SMAD2: variants seen among roughly 807,000 people sequenced by gnomAD.
The protein encoded by SMAD2 is MAD homolog 2.
A neutral mutation model predicts 64.4 loss-of-function variants in SMAD2; 8 were observed. The ratio of observed to expected loss-of-function variants is 0.12; its 90% confidence interval spans 0.07 to 0.22. The LOEUF (loss-of-function observed/expected upper bound fraction) is 0.22, where lower values mean the gene tolerates loss of function less well. SMAD2 is among the 10% of genes least tolerant of loss of function. The pLI is 1.00. For missense variants in SMAD2, 289 were observed against 561.2 expected (o/e 0.51, Z 4.90); for synonymous variants, 203 against 195.8 (o/e 1.04, Z -0.31).
In SMAD2 at chr18:47,812,798, C is replaced by A. The variant is rs1486340186; in HGVS notation, c.*29029G>T. On this transcript the variant is annotated 3_prime_UTR_variant, in exon 11 of 11. Transcript: ENST00000262160. ...CATGAGTGTCCATGTCACTGTCTCC[C>A]CAGGACCCCCACAGGAGCCTTGCAC... 6.6e-6 allele frequency: 1 copy of A among 152,176 alleles called. No individual in the cohort carries two copies. The highest frequency in any genetic ancestry group is 2.4e-5 in the African/African-American group (1 of 41,428). 9.4% of individuals were successfully genotyped at this position (152,176 alleles called of 1,614,324 possible).
intron 9 of SMAD2, 23 bp downstream of exon 9, chr18:47,845,640 T>A (rs2144289731): frequency 6.2e-7 from 1 of 1,613,202 alleles, no homozygotes; most frequent in Non-Finnish European, 8.5e-7. Context: ...ATGATAGGTT[T>A]ATGTACATTA....
chr18:47,823,266 T>G lies in SMAD2; in HGVS notation c.*18561A>C, dbSNP rs1044504113. On this transcript the variant is annotated 3_prime_UTR_variant, in exon 11 of 11. Coordinates refer to ENST00000262160, the MANE Select transcript of SMAD2 (RefSeq NM_005901.6). The stretch of plus-strand genomic sequence containing the variant: ...TCTTAGCCTCAAGGAGGTTTTTAAA[T>G]CTGAGATTACTGTGACCATACTACT... 6.6e-6 allele frequency: 1 copy of G among 152,218 alleles called. No individual in the cohort carries two copies. The highest frequency in any genetic ancestry group is 2.4e-5 in the African/African-American group (1 of 41,448). The allele number at this position is 152,218 out of a possible 1,614,324, so 9.4% of individuals were successfully genotyped here.
In SMAD2 at chr18:47,850,571, A is replaced by G. The variant is rs974964019; in HGVS notation, c.784+703T>C. Among the ~76,000 whole-genome samples the G allele has an allele frequency of 3.1e-3, 139 of 45,116 alleles. 1 individual carries two copies. Among genetic ancestry groups the G allele is most frequent in the African/African-American group, 0.014 (109 of 7,820 alleles). 29.6% of individuals were successfully genotyped at this position (45,116 alleles called of 152,430 possible). On this transcript the variant is annotated intron_variant, in intron 7 of 10. Coordinates refer to ENST00000262160, the MANE Select transcript of SMAD2 (RefSeq NM_005901.6). The stretch of plus-strand genomic sequence containing the variant: ...ATAATATATATTATGTATAATATAT[A>G]TTATATATTATATATATATTATATA...
At position 47,832,312 on chromosome 18, in the gene SMAD2, G is replaced by A. The variant is rs1913027636; in HGVS notation, c.*9515C>T. 6.6e-6 allele frequency: 1 copy of A among 152,172 alleles called. No individual in the cohort carries two copies. The highest frequency in any genetic ancestry group is 2.1e-4 in the South Asian group (1 of 4,826). The allele number at this position is 152,172 out of a possible 1,614,324, so 9.4% of individuals were successfully genotyped here. On this transcript the variant is annotated 3_prime_UTR_variant, in exon 11 of 11. Coordinates refer to ENST00000262160, the MANE Select transcript of SMAD2 (RefSeq NM_005901.6). ...AGGTGACAATGTAGAAGGATCTCGA[G>A]TCAGCCCTCAATGTTGTTGTTCAAT...
At chr18:47,893,948 A>C (rs914694494) in intron 2 of SMAD2, among the ~76,000 whole-genome samples, 2 of 152,202 alleles carry the variant, frequency 1.3e-5, no homozygotes, top group African/African-American at 4.8e-5. Context: ...CAACTTCATT[A>C]ATCAGGTGAG....
At chr18:47,902,850 G>A (rs563232193) in intron 1 of SMAD2, among the ~76,000 whole-genome samples, 19 of 152,204 alleles carry the variant, frequency 1.2e-4, no homozygotes, top group South Asian at 8.3e-4. Flanking sequence ...CTGGTGGAGC[G>A]GCTAGTGAGG....
At position 47,868,319 on chromosome 18, in the gene SMAD2, A is replaced by G; in HGVS notation, c.655+4T>C. On this transcript the variant is annotated splice_donor_region_variant and intron_variant, in intron 5 of 10. Transcript: ENST00000262160. The stretch of plus-strand genomic sequence containing the variant: ...GTTTTAGGAGATTCAGAAGGCAAAA[A>G]TACCTGGAATATAATTACTCTGTGG... The G allele has an allele frequency of 3.1e-6, 5 of 1,612,800 alleles. No homozygotes were observed. Among genetic ancestry groups the G allele is most frequent in the Non-Finnish European group, 4.2e-6 (5 of 1,179,050 alleles).
intron 1 of SMAD2, among the ~76,000 whole-genome samples, chr18:47,928,543 C>A (rs1251006225): frequency 6.6e-6 from 1 of 152,190 alleles, no homozygotes; most frequent in Non-Finnish European, 1.5e-5. Flanking sequence ...CCCCAATATT[C>A]CTACACAAGA....
In SMAD2 at chr18:47,808,973, T is replaced by C. The variant is rs1020164040; in HGVS notation, c.*32854A>G. 5 of 152,228 alleles carry C rather than the reference T, an allele frequency of 3.3e-5. No homozygotes were observed. 9.4% of individuals were successfully genotyped at this position (152,228 alleles called of 1,614,324 possible). ...TCTCGTTGCTTCATTTCCACCTTTA[T>C]TCTTTATTACCAACACCAAACAGCA... On this transcript the variant is annotated 3_prime_UTR_variant, in exon 11 of 11. Coordinates refer to ENST00000262160, the MANE Select transcript of SMAD2 (RefSeq NM_005901.6).
intron 10 of SMAD2, chr18:47,845,009 C>A: frequency 1.8e-6 from 1 of 544,292 alleles, no homozygotes; most frequent in Non-Finnish European, 3.2e-6. Context: ...ACAACTAGAT[C>A]ATGTGCCATC....
chr18:47,928,192 A>G (rs1312385973), intron 1 of SMAD2, among the ~76,000 whole-genome samples: 2 of 152,218 alleles, frequency 1.3e-5, no homozygotes, highest in Non-Finnish European at 2.9e-5. Context: ...ATGCATTACA[A>G]AAACACCTGT....
intron 2 of SMAD2, among the ~76,000 whole-genome samples, chr18:47,893,033 C>T (rs1368943475): frequency 6.6e-6 from 1 of 152,134 alleles, no homozygotes; most frequent in East Asian, 1.9e-4. Context: ...ATGTCTGATT[C>T]TTTATCTAAA....
intron 6 of SMAD2, among the ~76,000 whole-genome samples, chr18:47,858,819 TATTTG>T (rs1453827845): frequency 6.6e-6 from 1 of 152,110 alleles, no homozygotes; most frequent in Non-Finnish European, 1.5e-5. Flanking sequence ...AAACAAAAAT[TATTTG>T]ATTAGTCTAA....
In SMAD2 at chr18:47,828,934, C is replaced by CAA. The variant is rs1912883591; in HGVS notation, c.*12892_*12893insTT. On this transcript the variant is annotated 3_prime_UTR_variant, in exon 11 of 11. Coordinates refer to ENST00000262160, the MANE Select transcript of SMAD2 (RefSeq NM_005901.6). ...AACACCCAAGAATGATCAATAAATA[C>CAA]TAAAAAAAAAAAAAAAAAAAAAAAA... 1 of 12,088 alleles carries CAA rather than the reference C, an allele frequency of 8.3e-5. No individual in the cohort carries two copies. The highest frequency in any genetic ancestry group is 1.6e-4 in the Non-Finnish European group (1 of 6,280). 0.7% of individuals were successfully genotyped at this position (12,088 alleles called of 1,614,324 possible).
rs995557121 is a variant in SMAD2, at chr18:47,812,889, G to C, written c.*28938C>G. 2 of 152,184 alleles carry C rather than the reference G, an allele frequency of 1.3e-5. No individual in the cohort carries two copies. The highest frequency in any genetic ancestry group is 4.8e-5 in the African/African-American group (2 of 41,414). 9.4% of individuals were successfully genotyped at this position (152,184 alleles called of 1,614,324 possible). ...GCAGGGGTAACTTTCAATAGGGGTG[G>C]TTAAGGAAGACTCTGCAGAGAGGAT... On this transcript the variant is annotated 3_prime_UTR_variant, in exon 11 of 11. Transcript: ENST00000262160.
Position 47,824,154 on chromosome 18 carries a change from T to C in SMAD2, c.*17673A>G, listed in dbSNP as rs1336499084. On this transcript the variant is annotated 3_prime_UTR_variant, in exon 11 of 11. Coordinates refer to ENST00000262160, the MANE Select transcript of SMAD2 (RefSeq NM_005901.6). ...AGCCTAACTACAAGATGATTCATCATAGATACTTTCGGAAAAACATCTTCA... is the reference window on the plus strand; with the variant it reads ...AGCCTAACTACAAGATGATTCATCACAGATACTTTCGGAAAAACATCTTCA... 6.6e-6 allele frequency: 1 copy of C among 152,228 alleles called. No individual in the cohort carries two copies. The highest frequency in any genetic ancestry group is 2.4e-5 in the African/African-American group (1 of 41,456). 9.4% of individuals were successfully genotyped at this position (152,228 alleles called of 1,614,324 possible).
chr18:47,929,727 CA>C (rs1462633989), intron 1 of SMAD2, among the ~76,000 whole-genome samples: 2 of 152,138 alleles, frequency 1.3e-5, no homozygotes, highest in East Asian at 3.8e-4. Context: ...AAGTAAAAGA[CA>C]AAAGTACCTG....
chr18:47,853,590 C>T (rs1253186312), intron 6 of SMAD2: 1 of 171,220 alleles, frequency 5.8e-6, no homozygotes, highest in Admixed American at 6.4e-5. Context: ...CTACCACACA[C>T]TATTATAACC....
chr18:47,919,506 AC>A (rs2034478035), intron 1 of SMAD2, among the ~76,000 whole-genome samples: 4 of 143,844 alleles, frequency 2.8e-5, no homozygotes, highest in Admixed American at 1.6e-4. Flanking sequence ...ACACACACAC[AC>A]ACACACACAC....
Sources: allele counts gnomAD v4.1 joint callset (sites outside exome capture counted in the v4.1 genomes callset), GRCh38; gene constraint gnomAD v4.1.1; transcripts MANE v1.5; gene names NCBI Gene and HGNC (gene_info 2026-07-23, HGNC 2026-07-21).